The following ZFHX4 variants were observed in gnomAD, a reference collection of about 807,000 sequenced individuals.
ZFHX4 encodes the protein zinc finger homeobox protein 4.
ZFHX4 carries 56 observed loss-of-function variants against 267.6 expected under a neutral mutation model. That is an observed-to-expected ratio of 0.21 (90% confidence interval 0.17 to 0.26). The LOEUF (loss-of-function observed/expected upper bound fraction) is 0.26. Among genes scored for constraint, ZFHX4 ranks in the 10% least tolerant of loss-of-function variants. The pLI is 1.00. For missense variants in ZFHX4, 4,332 were observed against 4,420.0 expected, an observed-to-expected ratio of 0.98 and a Z score of 0.56; for synonymous variants, 1,778 against 1,665.6, an observed-to-expected ratio of 1.07 and a Z score of -1.64.
intron 3 of ZFHX4, among the ~76,000 whole-genome samples, chr8:76,721,751 C>T (rs922478226): frequency 4.6e-5 from 7 of 151,998 alleles, no homozygotes; most frequent in African/African-American, 1.7e-4. Flanking sequence ...TGTTTCCATA[C>T]CAATAAAGAT....
chr8:76,702,574 G>A (rs750747815), intron 1 of ZFHX4, among the ~76,000 whole-genome samples: 6 of 152,144 alleles, frequency 3.9e-5, no homozygotes, highest in Non-Finnish European at 8.8e-5. Flanking sequence ...TCTGAAGACT[G>A]TGTAATAAGG....
Position 76,849,050 on chromosome 8 carries a change from A to C in ZFHX4, c.3567A>C (p.Pro1189=). The C allele has an allele frequency of 6.4e-7, 1 of 1,566,306 alleles. No homozygotes were observed. Among genetic ancestry groups the C allele is most frequent in the Non-Finnish European group, 8.7e-7 (1 of 1,155,068 alleles). Residue 1189 remains proline, a synonymous_variant, in exon 7 of 11, where the codon CCA becomes CCC. Coordinates refer to ENST00000651372, the MANE Select transcript of ZFHX4 (RefSeq NM_024721.5). ...TTAGTGTGGCAGGGGGTACCCAGCC[A>C]CTCCTGCTGGCAAAAGAAGAGGATG... ...LKVSVAGGTQ[P]LLLAKEEDVA...
intron 3 of ZFHX4, among the ~76,000 whole-genome samples, chr8:76,725,887 C>G (rs139947185): frequency 2.0e-5 from 3 of 152,034 alleles, no homozygotes; most frequent in Non-Finnish European, 4.4e-5. Flanking sequence ...AAGGACATTT[C>G]GAAGTCATAA....
At position 76,864,391 on chromosome 8, in the gene ZFHX4, C is replaced by T. The variant is rs2131985647; in HGVS notation, c.10677C>T (p.Cys3559=). The T allele has an allele frequency of 1.2e-6, 2 of 1,613,806 alleles. No homozygotes were observed. Among genetic ancestry groups the T allele is most frequent in the South Asian group, 1.1e-5 (1 of 91,074 alleles). ...CTTCAACGGTTACCTCAAGTTTGTG[C>T]AGCACCTCAGGGGTTCAAACCTCAC... The part of the protein sequence containing the change: ...SLPSTVTSSL[C]STSGVQTSLP... Residue 3559 remains cysteine (C), a synonymous_variant, in exon 11 of 11, where the codon TGC becomes TGT. Coordinates refer to ENST00000651372, the MANE Select transcript of ZFHX4 (RefSeq NM_024721.5).
chr8:76,803,179 C>T (rs1811156945), intron 4 of ZFHX4, among the ~76,000 whole-genome samples: 1 of 152,018 alleles, frequency 6.6e-6, no homozygotes, highest in Admixed American at 6.6e-5. Flanking sequence ...GGAAATTCCT[C>T]TGTCTAGTAC....
intron 3 of ZFHX4, among the ~76,000 whole-genome samples, chr8:76,758,326 C>A (rs1407456489): frequency 6.6e-6 from 1 of 151,936 alleles, no homozygotes; most frequent in Non-Finnish European, 1.5e-5. Flanking sequence ...AGGGAAGATA[C>A]CTCAAAATAA....
At chr8:76,784,127 T>C (rs918658756) in intron 4 of ZFHX4, among the ~76,000 whole-genome samples, 65 of 152,124 alleles carry the variant, frequency 4.3e-4, no homozygotes, top group African/African-American at 1.4e-3. Flanking sequence ...AAGATTAGAT[T>C]GCCAAGTCAC....
At chr8:76,690,178 G>A (rs535433022) in intron 1 of ZFHX4, among the ~76,000 whole-genome samples, 5 of 152,118 alleles carry the variant, frequency 3.3e-5, no homozygotes, top group African/African-American at 1.2e-4. Context: ...TTGTGTTCTA[G>A]CTATAAAAAA....
chr8:76,839,363 T>C (rs1347838800), intron 5 of ZFHX4, among the ~76,000 whole-genome samples: 1 of 152,196 alleles, frequency 6.6e-6, no homozygotes, highest in Non-Finnish European at 1.5e-5. Flanking sequence ...GTAACATTTC[T>C]ATAAGACTAC....
chr8:76,859,819 T>A (rs552268052), intron 10 of ZFHX4, among the ~76,000 whole-genome samples: 1 of 152,020 alleles, frequency 6.6e-6, no homozygotes, highest in East Asian at 1.9e-4. Flanking sequence ...GGGACCTCAG[T>A]CAAAGAAACT....
At chr8:76,723,258 T>G (rs1808770927) in intron 3 of ZFHX4, among the ~76,000 whole-genome samples, 1 of 151,982 alleles carries the variant, frequency 6.6e-6, no homozygotes, top group African/African-American at 2.4e-5. Flanking sequence ...ATACAACAAT[T>G]TTTTCATCTA....
In ZFHX4 at chr8:76,705,222, C is replaced by A; in HGVS notation, c.1134C>A (p.Gly378=). 1 of 1,614,000 alleles carries A rather than the reference C, an allele frequency of 6.2e-7. No homozygotes were observed. The highest frequency in any genetic ancestry group is 2.2e-5 in the East Asian group (1 of 44,874). ...HVENGDSLPA[G]FAFLKGSAST... ...AAAATGGTGACTCTTTGCCGGCTGGCTTTGCCTTCTTAAAAGGAAGCGCGA... is the reference window on the plus strand; with the variant it reads ...AAAATGGTGACTCTTTGCCGGCTGGATTTGCCTTCTTAAAAGGAAGCGCGA... The change falls in exon 2 of 11, where the codon GGC becomes GGA. Residue 378 remains glycine, a synonymous_variant. Transcript: ENST00000651372.
intron 3 of ZFHX4, among the ~76,000 whole-genome samples, chr8:76,741,753 T>A (rs998296556): frequency 1.3e-5 from 2 of 152,198 alleles, no homozygotes; most frequent in African/African-American, 4.8e-5. Context: ...TTCCAGAGTT[T>A]CCCATTCCTT....
chr8:76,784,527 G>A lies in ZFHX4; in HGVS notation c.3325+6088G>A, dbSNP rs552055866. On this transcript the variant is annotated intron_variant, in intron 4 of 10. Coordinates refer to ENST00000651372, the MANE Select transcript of ZFHX4 (RefSeq NM_024721.5). ...TGGGTGATGTGCTAATGTGTGGGCC[G>A]CCATTTTCTTTTTCTCCTCACACAA... Among the ~76,000 whole-genome samples, 159 of 151,890 alleles carry A rather than the reference G, an allele frequency of 1.0e-3. 1 individual carries two copies. In the South Asian group the frequency reaches 0.032, roughly 30 times the overall value.
In ZFHX4 at chr8:76,704,784, C is replaced by A. The variant is rs1174959631; in HGVS notation, c.696C>A (p.Leu232=). 4 of 1,613,916 alleles carry A rather than the reference C, an allele frequency of 2.5e-6. No individual in the cohort carries two copies. Among genetic ancestry groups the A allele is most frequent in the Admixed American group, 3.3e-5 (2 of 60,006 alleles). ...TGCACAGTTTCCGTGTCTATGATCT[C>A]CGACACAAGAGAGAGAAAGACTATC... ...PVLHSFRVYD[L]RHKREKDYLT... The change falls in exon 2 of 11, where the codon CTC becomes CTA. Residue 232 remains leucine (L), a synonymous_variant. Transcript: ENST00000651372.
chr8:76,849,108 A>T lies in ZFHX4; in HGVS notation c.3625A>T (p.Asn1209Tyr). 1 of 1,560,504 alleles carries T rather than the reference A, an allele frequency of 6.4e-7. No homozygotes were observed. Among genetic ancestry groups the T allele is most frequent in the Non-Finnish European group, 8.7e-7 (1 of 1,152,322 alleles). The change falls in exon 7 of 11, where the codon AAT becomes TAT. Residue 1209 changes from asparagine (N) to tyrosine (Y), a missense_variant. Around this residue, in one of 7 missense-constraint regions of ZFHX4, gnomAD observed 1,371 missense variants for 1,423.1 expected, o/e 0.96. Coordinates refer to ENST00000651372, the MANE Select transcript of ZFHX4 (RefSeq NM_024721.5). ...AAAAAGGTCAAAACCTACAGAGGAC[A>T]ATAAATTCTGTCATGAACAGGTAAA... ...ATKRSKPTED[N>Y]KFCHEQFYQC...
intron 4 of ZFHX4, among the ~76,000 whole-genome samples, chr8:76,794,401 G>A (rs975339179): frequency 1.3e-5 from 2 of 152,138 alleles, no homozygotes; most frequent in African/African-American, 4.8e-5. Flanking sequence ...TCATGTATAA[G>A]AAGAGGTTCA....
chr8:76,743,199 T>C (rs114960531), intron 3 of ZFHX4, among the ~76,000 whole-genome samples: 349 of 152,276 alleles, frequency 2.3e-3, no homozygotes, highest in African/African-American at 7.9e-3. Flanking sequence ...GGCCTTCAGA[T>C]TGAATCTCAG....
intron 5 of ZFHX4, among the ~76,000 whole-genome samples, chr8:76,835,833 A>C (rs1812079242): frequency 6.6e-6 from 1 of 152,160 alleles, no homozygotes; most frequent in Non-Finnish European, 1.5e-5. Flanking sequence ...GTAAACAAAG[A>C]CATCAAAATC....
Sources: gnomAD v4.1 joint callset for allele counts (sites outside exome capture counted in the v4.1 genomes callset) on GRCh38, gnomAD v4.1.1 for gene constraint, gnomAD v4.1.1 regional missense constraint, MANE v1.5 for transcripts, NCBI Gene and HGNC (gene_info 2026-07-23, HGNC 2026-07-21) for gene names.